The following ZDHHC1 variants were observed in gnomAD, a reference collection of about 807,000 sequenced individuals.
ZDHHC1 encodes the protein palmitoyltransferase ZDHHC1.
In ZDHHC1, 45 loss-of-function variants were observed where a neutral mutation model predicts 46.9. The observed-to-expected ratio is 0.96, with a 90% CI of 0.76 to 1.23. The LOEUF (loss-of-function observed/expected upper bound fraction) is 1.23. Ranked by LOEUF, ZDHHC1 falls within the 50% of genes most tolerant of loss-of-function variation. The probability of loss-of-function intolerance (pLI) is 0.00; values close to 1 mark genes in which losing one functional copy is unlikely to be tolerated. For missense variants in ZDHHC1, 649 were observed against 670.8 expected, an observed-to-expected ratio of 0.97 and a Z score of 0.36; for synonymous variants, 291 against 286.0, an observed-to-expected ratio of 1.02 and a Z score of -0.18.
chr16:67,402,789 G>A (rs560668020), intron 3 of ZDHHC1, among the ~76,000 whole-genome samples: 1 of 152,236 alleles, frequency 6.6e-6, no homozygotes, highest in Admixed American at 6.5e-5. Context: ...ACCACGCCTG[G>A]CTAATTTTTG....
chr16:67,395,951 C>G lies in ZDHHC1; in HGVS notation c.928-385G>C, dbSNP rs540047077. 8 of 220,856 alleles carry G rather than the reference C, an allele frequency of 3.6e-5. No homozygotes were observed. In the South Asian group the frequency reaches 5.7e-4, roughly 16 times the overall value. The allele number at this position is 220,856 out of a possible 1,614,324, so 13.7% of individuals were successfully genotyped here. ...CAATTGTTTTCCCCTGGCTGAGAAA[C>G]AGGCCTGAGTGTGCATCCACCAGCT... is the stretch of plus-strand genomic sequence containing the variant. On this transcript the variant is annotated intron_variant, in intron 8 of 11. Transcript: ENST00000565726.
chr16:67,409,277 CCCT>C (rs1337668675), intron 1 of ZDHHC1, among the ~76,000 whole-genome samples: 1 of 151,070 alleles, frequency 6.6e-6, no homozygotes, highest in African/African-American at 2.5e-5. Flanking sequence ...TCAGGATACC[CCCT>C]GATACTCCAA....
rs2040414821 is a variant in ZDHHC1, at chr16:67,395,553, T to C, written c.941A>G (p.Tyr314Cys). ...GCGCATATGTCTGAAGGTCCGCATGTAGAACTCCATCTCCTGGGGAAGGTG... is the reference window on the plus strand; with the variant it reads ...GCGCATATGTCTGAAGGTCCGCATGCAGAACTCCATCTCCTGGGGAAGGTG... ...KMRPIQEMEF[Y>C]MRTFRHMRPE... The change falls in exon 9 of 12, where the codon TAC (tyrosine) becomes TGC (cysteine). Residue 314 changes from tyrosine to cysteine, a missense_variant. Physicochemically the swap from Tyr to Cys is radical, Grantham distance 194 (BLOSUM62 -2). Transcript: ENST00000565726. The C allele has an allele frequency of 5.1e-6, 8 of 1,553,578 alleles. No individual in the cohort carries two copies. Among genetic ancestry groups the C allele is most frequent in the Non-Finnish European group, 7.0e-6 (8 of 1,148,038 alleles).
chr16:67,398,495 G>T, intron 7 of ZDHHC1, 78 bp downstream of exon 7: 2 of 1,538,708 alleles, frequency 1.3e-6, no homozygotes, highest in South Asian at 2.4e-5. Context: ...ATGGTTTCAG[G>T]GTCCACCGTC....
Position 67,394,618 on chromosome 16 carries a change from G to A in ZDHHC1, c.1441C>T (p.Leu481=), listed in dbSNP as rs769821890. ...PRAPGGREAG[L]A The stretch of plus-strand genomic sequence containing the variant: ...CCGGCCTCTCGGCCCAGCTAAGCCA[G>A]ACCAGCCTCCCGGCCGCCCGGCGCC... Residue 481 remains leucine, a synonymous_variant, in exon 12 of 12, where the codon CTG becomes TTG. Transcript: ENST00000565726. The A allele has an allele frequency of 1.7e-6, 2 of 1,194,472 alleles. No individual in the cohort carries two copies. Among genetic ancestry groups the A allele is most frequent in the Admixed American group, 8.4e-5 (2 of 23,810 alleles). The allele number at this position is 1,194,472 out of a possible 1,614,324, so 74.0% of individuals were successfully genotyped here. A position where few individuals can be genotyped will look rare whatever the true frequency, so the allele number is the denominator to read the frequency against.
At chr16:67,409,378 C>T (rs758887906) in intron 1 of ZDHHC1, among the ~76,000 whole-genome samples, 24 of 152,154 alleles carry the variant, frequency 1.6e-4, no homozygotes, top group African/African-American at 2.2e-4. Flanking sequence ...AGGATACCCC[C>T]GATACTCCAA....
At chr16:67,413,984 G>T (rs1419832050) in intron 1 of ZDHHC1, among the ~76,000 whole-genome samples, 1 of 145,010 alleles carries the variant, frequency 6.9e-6, no homozygotes, top group Non-Finnish European at 1.5e-5. Context: ...GGCAAGAAAA[G>T]CTTGAAACTC....
In ZDHHC1 at chr16:67,406,332, G is replaced by A. The variant is rs769358583; in HGVS notation, c.120C>T (p.Arg40=). Residue 40 remains arginine (R), a synonymous_variant, in exon 3 of 12, where the codon CGC becomes CGT. Transcript: ENST00000565726. The surrounding 1 kb of genome is among the most constrained non-coding windows in gnomAD (Gnocchi z 4.1). ...PSPELQGQRS[R]RNGWSWPPHP... is the part of the protein sequence containing the mutation. Reference sequence around the variant, plus strand: ...GAGGGGGCCAGCTCCACCCATTCCGGCGGGATCGCTGGCCCTGCAGCTCAG... The same window carrying A: ...GAGGGGGCCAGCTCCACCCATTCCGACGGGATCGCTGGCCCTGCAGCTCAG... The A allele has an allele frequency of 5.6e-6, 9 of 1,596,942 alleles. No individual in the cohort carries two copies. Among genetic ancestry groups the A allele is most frequent in the Middle Eastern group, 1.6e-4 (1 of 6,066 alleles).
At chr16:67,395,596 G>A (rs2040415438) in intron 8 of ZDHHC1, 30 bp from the exon 9 acceptor site, 4 of 1,549,976 alleles carry the variant, frequency 2.6e-6, no homozygotes, top group Non-Finnish European at 3.5e-6. Flanking sequence ...AGGAGGCTGG[G>A]AGGCCAGGTG....
At chr16:67,412,838 T>C (rs568425755) in intron 1 of ZDHHC1, among the ~76,000 whole-genome samples, 1 of 152,254 alleles carries the variant, frequency 6.6e-6, no homozygotes, top group African/African-American at 2.4e-5. Context: ...TTCACTCTTG[T>C]TGCTCAGGCT....
Position 67,395,550 on chromosome 16 carries a change from A to AT in ZDHHC1, c.943dup (p.Met315AsnfsTer63). ...TGGGCGCATATGTCTGAAGGTCCGCATGTAGAACTCCATCTCCTGGGGAAG... is the reference window on the plus strand; with the variant it reads ...TGGGCGCATATGTCTGAAGGTCCGCATTGTAGAACTCCATCTCCTGGGGAAG... On this transcript the variant is annotated frameshift_variant, in exon 9 of 12. Transcript: ENST00000565726. LOFTEE classifies it high-confidence loss of function. The AT allele has an allele frequency of 1.3e-6, 2 of 1,554,024 alleles. No homozygotes were observed. Among genetic ancestry groups the AT allele is most frequent in the Non-Finnish European group, 1.7e-6 (2 of 1,148,158 alleles).
Position 67,399,452 on chromosome 16 carries a change from C to A in ZDHHC1, c.433G>T (p.Ala145Ser). 1 of 1,611,168 alleles carries A rather than the reference C, an allele frequency of 6.2e-7. No homozygotes were observed. The highest frequency in any genetic ancestry group is 8.5e-7 in the Non-Finnish European group (1 of 1,178,604). The change falls in exon 5 of 12, where the codon GCT becomes TCT. Residue 145 changes from alanine to serine, a missense_variant. By Grantham distance (99) the Ala-to-Ser change is moderately conservative (BLOSUM62 1). Transcript: ENST00000565726. Reference protein sequence around the residue: ...HCNLCNVDVSARSKHCSACNK... With the variant: ...HCNLCNVDVSSRSKHCSACNK... The stretch of plus-strand genomic sequence containing the variant: ...CAGGCGCTGCAGTGCTTGGAGCGAG[C>A]GCTCCTGCAGGGAGAGGGGGCACAG...
chr16:67,406,007 C>G lies in ZDHHC1; in HGVS notation c.252+193G>C, dbSNP rs749551510. 6.6e-6 allele frequency among the ~76,000 whole-genome samples: 1 copy of G among 152,198 alleles called. No homozygotes were observed. The highest frequency in any genetic ancestry group is 1.5e-5 in the Non-Finnish European group (1 of 68,028). ...GGTATTTTAGGCATGCCCACTCACC[C>G]TATCAGGTGGAGAGGTCAGGTGGAG... On this transcript the variant is annotated intron_variant, in intron 3 of 11. Coordinates refer to ENST00000565726, the MANE Select transcript of ZDHHC1 (RefSeq NM_001323627.2). The surrounding 1 kb of genome is among the most constrained non-coding windows in gnomAD (Gnocchi z 4.1).
intron 1 of ZDHHC1, among the ~76,000 whole-genome samples, chr16:67,411,842 G>A (rs1176343587): frequency 6.6e-6 from 1 of 152,240 alleles, no homozygotes; most frequent in Non-Finnish European, 1.5e-5. Flanking sequence ...GCCGGGCGCG[G>A]TGGCTCACGC....
rs1555517288 is a variant in ZDHHC1 at position 67,416,378 on chromosome 16, T to TGGCTCCGGCTCTGGCTCCGGCTCC, written c.-247_-246insGGAGCCGGAGCCAGAGCCGGAGCC. 15 of 202,738 alleles carry TGGCTCCGGCTCTGGCTCCGGCTCC rather than the reference T, an allele frequency of 7.4e-5. No homozygotes were observed. The highest frequency in any genetic ancestry group is 2.2e-4 in the African/African-American group (9 of 41,242). The allele number at this position is 202,738 out of a possible 1,614,324, so 12.6% of individuals were successfully genotyped here. A position where few individuals can be genotyped will look rare whatever the true frequency, so the allele number is the denominator to read the frequency against. On this transcript the variant is annotated 5_prime_UTR_variant, in exon 1 of 12. Transcript: ENST00000565726. ...CCGGTGAGTCCTCGAGCTCTGGCTC[T>TGGCTCCGGCTCTGGCTCCGGCTCC]GGCTCCGGCTCCGGCTCCGGCTCCG...
rs754156041 is a variant in ZDHHC1 at position 67,398,844 on chromosome 16, G to C, written c.631C>G (p.Leu211Val). 2 of 1,612,728 alleles carry C rather than the reference G, an allele frequency of 1.2e-6. No homozygotes were observed. Among genetic ancestry groups the C allele is most frequent in the Admixed American group, 3.3e-5 (2 of 59,770 alleles). ...FVEFFVNPMR[L>V]RTNRHFEVLK... ...CCTTCAAAGTGTCGGTTGGTGCGCAGACGCATGGGGTTGACAAAGAACTCC... is the reference window on the plus strand; with the variant it reads ...CCTTCAAAGTGTCGGTTGGTGCGCACACGCATGGGGTTGACAAAGAACTCC... Residue 211 changes from leucine (L) to valine (V), a missense_variant, in exon 6 of 12, where the codon CTG becomes GTG. Coordinates refer to ENST00000565726, the MANE Select transcript of ZDHHC1 (RefSeq NM_001323627.2).
chr16:67,400,103 CAGCAGCTGCTGG>C (rs1390171780), intron 4 of ZDHHC1, among the ~76,000 whole-genome samples: 1 of 152,230 alleles, frequency 6.6e-6, no homozygotes, highest in Admixed American at 6.5e-5. Flanking sequence ...CTGCAATGGG[CAGCAGCTGCTGG>C]AGCAGCTGCT....
In ZDHHC1 at chr16:67,416,415, G is replaced by A. The variant is rs950963740; in HGVS notation, c.-283C>T. 3 of 203,906 alleles carry A rather than the reference G, an allele frequency of 1.5e-5. No individual in the cohort carries two copies. Among genetic ancestry groups the A allele is most frequent in the Middle Eastern group, 2.3e-3 (1 of 442 alleles). The allele number at this position is 203,906 out of a possible 1,614,324, so 12.6% of individuals were successfully genotyped here. ...CGGCTCCGGCTCCGGCTCCGGCTCC[G>A]GCTCCAGCAGGCTGGAGGGGCGGCC... On this transcript the variant is annotated 5_prime_UTR_variant, in exon 1 of 12. Transcript: ENST00000565726.
chr16:67,405,727 C>A (rs1410530539), intron 3 of ZDHHC1, among the ~76,000 whole-genome samples: 1 of 152,220 alleles, frequency 6.6e-6, no homozygotes, highest in Non-Finnish European at 1.5e-5. Context: ...CATAAACAGT[C>A]CTGGGCACAG....
Sources: gnomAD v4.1 joint callset for allele counts (sites outside exome capture counted in the v4.1 genomes callset) on GRCh38, gnomAD v4.1.1 for gene constraint, Gnocchi (gnomAD v3.1) non-coding constraint, MANE v1.5 for transcripts, NCBI Gene and HGNC (gene_info 2026-07-23, HGNC 2026-07-21) for gene names.